CDC42BPG: variants seen among roughly 807,000 people sequenced by gnomAD.
CDC42BPG encodes the protein serine/threonine-protein kinase MRCK gamma.
CDC42BPG carries 157 observed loss-of-function variants against 192.2 expected under a neutral mutation model. That is an observed-to-expected ratio of 0.82 (90% CI 0.72 to 0.93). The LOEUF is 0.93. Among genes scored for constraint, CDC42BPG ranks in the 40% least tolerant of loss-of-function variants. The probability of loss-of-function intolerance (pLI) is 0.00; values close to 1 mark genes in which losing one functional copy is unlikely to be tolerated. For missense variants in CDC42BPG, 1,992 were observed against 2,122.1 expected (o/e 0.94, Z 1.20); for synonymous variants, 981 against 918.5 (o/e 1.07, Z -1.23).
chr11:64,823,120 T>C lies in CDC42BPG; in HGVS notation c.*1353A>G, dbSNP rs1344770210. Among the ~76,000 whole-genome samples, 1 of 146,694 alleles carries C rather than the reference T, an allele frequency of 6.8e-6. No individual in the cohort carries two copies. The highest frequency in any genetic ancestry group is 1.5e-5 in the Non-Finnish European group (1 of 66,820). Reference sequence around the variant, plus strand: ...TTTTTTTTTTGAGACGGAGTCTCACTCTGTCACCCAGGCTGGAGTGCAGTG... The same window carrying C: ...TTTTTTTTTTGAGACGGAGTCTCACCCTGTCACCCAGGCTGGAGTGCAGTG... On this transcript the variant is annotated 3_prime_UTR_variant, in exon 37 of 37. Coordinates refer to ENST00000342711, the MANE Select transcript of CDC42BPG (RefSeq NM_017525.3).
At position 64,836,099 on chromosome 11, in the gene CDC42BPG, C is replaced by T. The variant is rs753523931; in HGVS notation, c.1668+18G>A. 1 of 1,587,574 alleles carries T rather than the reference C, an allele frequency of 6.3e-7. No individual in the cohort carries two copies. The highest frequency in any genetic ancestry group is 8.6e-7 in the Non-Finnish European group (1 of 1,169,112). On this transcript the variant is annotated intron_variant, in intron 13 of 36. Coordinates refer to ENST00000342711, the MANE Select transcript of CDC42BPG (RefSeq NM_017525.3). ...GGGCAGGGCCCAGGTGCTGTCCCTA[C>T]CCACCCTGGTCACTCACCTCCCTCT... is the stretch of plus-strand genomic sequence containing the variant.
chr11:64,831,907 G>T (rs977300246), intron 27 of CDC42BPG, among the ~76,000 whole-genome samples, 186 bp from the exon 28 acceptor site: 1 of 152,262 alleles, frequency 6.6e-6, no homozygotes, highest in Admixed American at 6.5e-5. Context: ...GCAAGGACGG[G>T]CCTAGTGGGA....
At chr11:64,828,636 C>CG (rs1942543474) in intron 30 of CDC42BPG, among the ~76,000 whole-genome samples, 2 of 152,316 alleles carry the variant, frequency 1.3e-5, no homozygotes, top group South Asian at 4.1e-4. Context: ...AGGTACAGGC[C>CG]GGGGCCGGTG....
chr11:64,839,976 T>C, intron 5 of CDC42BPG, 144 bp downstream of exon 5: 2 of 833,424 alleles, frequency 2.4e-6, no homozygotes, highest in Non-Finnish European at 3.7e-6. Flanking sequence ...TTTGGTATGA[T>C]TCCAAGGAAG....
chr11:64,838,698 C>T lies in CDC42BPG; in HGVS notation c.1081G>A (p.Asp361Asn). ...PYIPELRGPM[D>N]TSNFDVDDDT... ...TCATCCACATCAAAGTTGGAGGTGTCCATGGGCCCCCGCAGCTCAGGAATA... is the reference window on the plus strand; with the variant it reads ...TCATCCACATCAAAGTTGGAGGTGTTCATGGGCCCCCGCAGCTCAGGAATA... Residue 361 changes from aspartate (D) to asparagine (N), a missense_variant, in exon 8 of 37, where the codon GAC becomes AAC. Coordinates refer to ENST00000342711, the MANE Select transcript of CDC42BPG (RefSeq NM_017525.3). 1 of 1,613,224 alleles carries T rather than the reference C, an allele frequency of 6.2e-7. No individual in the cohort carries two copies. The highest frequency in any genetic ancestry group is 1.3e-5 in the African/African-American group (1 of 75,062).
intron 1 of CDC42BPG, among the ~76,000 whole-genome samples, chr11:64,842,456 G>A (rs1943322375): frequency 6.6e-6 from 1 of 152,164 alleles, no homozygotes; most frequent in East Asian, 1.9e-4. Context: ...GGGCAGGGAG[G>A]ACAGGCTCTA....
Position 64,834,421 on chromosome 11 carries a change from A to G in CDC42BPG, c.2324+8T>C, listed in dbSNP as rs1015675520. The stretch of plus-strand genomic sequence containing the variant: ...GCCCTGGCCCCCAGTGCCTGCCCCT[A>G]GCCTCACCGCTCAGCCTGCAGCTGG... On this transcript the variant is annotated splice_region_variant and intron_variant, in intron 19 of 36. Coordinates refer to ENST00000342711, the MANE Select transcript of CDC42BPG (RefSeq NM_017525.3). The G allele has an allele frequency of 1.0e-5, 16 of 1,563,946 alleles. No individual in the cohort carries two copies. Among genetic ancestry groups the G allele is most frequent in the African/African-American group, 2.7e-5 (2 of 73,854 alleles).
At position 64,832,721 on chromosome 11, in the gene CDC42BPG, C is replaced by T. The variant is rs984135135; in HGVS notation, c.2888G>A (p.Arg963Gln). The stretch of plus-strand genomic sequence containing the variant: ...AGCAAACACGCGCTGCCAGCCCCGC[C>T]GGACACCTGAGGGCCGCGGCACCTG... Reference protein sequence around the residue: ...FLSVPRPSGVRRGWQRVFAAL... With the variant: ...FLSVPRPSGVQRGWQRVFAAL... Residue 963 changes from arginine to glutamine, a missense_variant, in exon 26 of 37, where the codon CGG becomes CAG. Coordinates refer to ENST00000342711, the MANE Select transcript of CDC42BPG (RefSeq NM_017525.3). 12 of 1,610,166 alleles carry T rather than the reference C, an allele frequency of 7.5e-6. No individual in the cohort carries two copies. The highest frequency in any genetic ancestry group is 1.7e-5 in the Admixed American group (1 of 59,694).
In CDC42BPG at chr11:64,831,578, G is replaced by T. The variant is rs201371771; in HGVS notation, c.3231C>A (p.Pro1077=). ...CGTAAGCCTCCTTGAGTGTGTACACGGGCCGGGGTCTTGGCCGCGCGTCCA... is the reference window on the plus strand; with the variant it reads ...CGTAAGCCTCCTTGAGTGTGTACACTGGCCGGGGTCTTGGCCGCGCGTCCA... ...LLLDARPRPR[P]VYTLKEAYDN... Residue 1077 remains proline, a synonymous_variant, in exon 28 of 37, where the codon CCC becomes CCA. Coordinates refer to ENST00000342711, the MANE Select transcript of CDC42BPG (RefSeq NM_017525.3). The T allele has an allele frequency of 8.7e-6, 14 of 1,612,440 alleles. No homozygotes were observed. The highest frequency in any genetic ancestry group is 1.3e-5 in the African/African-American group (1 of 74,934).
chr11:64,839,493 G>C lies in CDC42BPG; in HGVS notation c.660C>G (p.Leu220=). The C allele has an allele frequency of 6.2e-7, 1 of 1,613,258 alleles. No homozygotes were observed. Among genetic ancestry groups the C allele is most frequent in the Non-Finnish European group, 8.5e-7 (1 of 1,179,986 alleles). ...RLADFGSCLR[L]NTNGMVDSSV... ...GGGTCCTTACCATGCCGTTGGTGTT[G>C]AGACGCAGGCAGGAGCCGAAGTCAG... The change falls in exon 6 of 37, where the codon CTC becomes CTG. Residue 220 remains leucine (L), a synonymous_variant. Transcript: ENST00000342711.
chr11:64,833,221 G>GGACTCTCA lies in CDC42BPG; in HGVS notation c.2731+2_2731+9dup. On this transcript the variant is annotated intron_variant, in intron 24 of 36. Transcript: ENST00000342711. Reference sequence around the variant, plus strand: ...ACCGTGGCTGGAGCATAGTGGGTGGGGACTCTCACCATCACAACCCAGGCC... The same window carrying GGACTCTCA: ...ACCGTGGCTGGAGCATAGTGGGTGGGGACTCTCAGACTCTCACCATCACAACCCAGGCC... 3.3e-6 allele frequency: 5 copies of GGACTCTCA among 1,536,422 alleles called. No homozygotes were observed. The highest frequency in any genetic ancestry group is 4.4e-6 in the Non-Finnish European group (5 of 1,134,830).
In CDC42BPG at chr11:64,833,944, A is replaced by G. The variant is rs755531028; in HGVS notation, c.2447T>C (p.Leu816Pro). Residue 816 changes from leucine (L) to proline (P), a missense_variant, in exon 21 of 37, where the codon CTG becomes CCG. Physicochemically the swap from Leu to Pro is moderately conservative, Grantham distance 98. Transcript: ENST00000342711. ...TKPSNSLIPF[L>P]SFRSSEKDSA... is the part of the protein sequence containing the mutation. ...CCTTACCTCTGAGCTCCGGAAGGAC[A>G]GGAAGGGAATCAGGGAGTTTGAGGG... The G allele has an allele frequency of 3.7e-6, 6 of 1,614,240 alleles. No homozygotes were observed. In the East Asian group the frequency reaches 8.9e-5, roughly 24 times the overall value.
chr11:64,833,740 C>T lies in CDC42BPG; in HGVS notation c.2563G>A (p.Gly855Arg). The change falls in exon 22 of 37, where the codon GGG becomes AGG. Residue 855 changes from glycine to arginine, a missense_variant and splice_region_variant. Coordinates refer to ENST00000342711, the MANE Select transcript of CDC42BPG (RefSeq NM_017525.3). The stretch of plus-strand genomic sequence containing the variant: ...ACGATGGACCCACCTGTCCTCACCC[C>T]CATGCGCAGGCTGCGTCGGCCCTCC... The part of the protein sequence containing the change: ...RPEGRRSLRM[G>R]AVFPRAPTAN... 1.2e-6 allele frequency: 2 copies of T among 1,614,054 alleles called. No individual in the cohort carries two copies. The highest frequency in any genetic ancestry group is 1.1e-5 in the South Asian group (1 of 91,092).
Position 64,844,540 on chromosome 11 carries a change from C to T in CDC42BPG, c.30G>A (p.Gln10=). 7.7e-7 allele frequency: 1 copy of T among 1,299,332 alleles called. No individual in the cohort carries two copies. The highest frequency in any genetic ancestry group is 9.8e-7 in the Non-Finnish European group (1 of 1,024,930). 80.5% of individuals were successfully genotyped at this position (1,299,332 alleles called of 1,614,324 possible). MERRLRALE[Q]LARGEAGGCP... Reference sequence around the variant, plus strand: ...AGCCGCCGGCCTCGCCCCGCGCCAGCTGCTCCAGCGCGCGCAGCCGCCGCT... The same window carrying T: ...AGCCGCCGGCCTCGCCCCGCGCCAGTTGCTCCAGCGCGCGCAGCCGCCGCT... The change falls in exon 1 of 37, where the codon CAG becomes CAA. Residue 10 remains glutamine (Q), a synonymous_variant. Coordinates refer to ENST00000342711, the MANE Select transcript of CDC42BPG (RefSeq NM_017525.3).
chr11:64,833,314 G>C lies in CDC42BPG; in HGVS notation c.2648C>G (p.Pro883Arg), dbSNP rs1171286789. The change falls in exon 24 of 37, where the codon CCC becomes CGC. Residue 883 changes from proline (P) to arginine (R), a missense_variant. Pro to Arg is a moderately radical substitution (Grantham distance 103). This residue lies in a region of CDC42BPG where 1,656 missense variants were observed against 1,844.3 expected (regional missense o/e 0.90). Transcript: ENST00000342711. ...CTTGGTCGGGGATGGGAAGCTCCGGGGGCGCAGCGTGTGTGAGCCGGGCTG... is the reference window on the plus strand; with the variant it reads ...CTTGGTCGGGGATGGGAAGCTCCGGCGGCGCAGCGTGTGTGAGCCGGGCTG... ...PAKPGSHTLR[P>R]RSFPSPTKCL... 2.4e-5 allele frequency: 37 copies of C among 1,536,618 alleles called. No individual in the cohort carries two copies. Among genetic ancestry groups the C allele is most frequent in the Non-Finnish European group, 3.0e-5 (34 of 1,140,650 alleles).
Position 64,827,567 on chromosome 11 carries a change from G to A in CDC42BPG, c.4110C>T (p.Thr1370=), listed in dbSNP as rs71539697. 3.7e-6 allele frequency: 6 copies of A among 1,612,604 alleles called. No individual in the cohort carries two copies. The highest frequency in any genetic ancestry group is 4.5e-5 in the East Asian group (2 of 44,834). ...TGAGGTAGGTCAGGCGGACCTTCTC[G>A]GTGCCGTAGAGGAACAGGGAGCCCT... ...NPEGSLFLYG[T]EKVRLTYLRN... The change falls in exon 32 of 37, where the codon ACC becomes ACT. Residue 1370 remains threonine, a synonymous_variant. Transcript: ENST00000342711.
rs754402866 is a variant in CDC42BPG at position 64,827,180 on chromosome 11, G to A, written c.4272-13C>T. The A allele has an allele frequency of 2.4e-5, 38 of 1,613,426 alleles. No individual in the cohort carries two copies. The highest frequency in any genetic ancestry group is 2.9e-5 in the Non-Finnish European group (34 of 1,179,492). On this transcript the variant is annotated splice_polypyrimidine_tract_variant and intron_variant, in intron 33 of 36. Transcript: ENST00000342711. ...CTTCAGCATCTCCCTGTGGGCGGAG[G>A]TGTAAGTAGTGGGTGGCGAAGCTCC...
chr11:64,827,506 C>T, intron 32 of CDC42BPG, 21 bp downstream of exon 32: 1 of 1,611,090 alleles, frequency 6.2e-7, no homozygotes. Flanking sequence ...CGCACACACC[C>T]GTACACACGC....
At chr11:64,825,101 G>GT (rs1285471750) in intron 36 of CDC42BPG, among the ~76,000 whole-genome samples, 9 of 152,082 alleles carry the variant, frequency 5.9e-5, no homozygotes, top group African/African-American at 2.2e-4. Flanking sequence ...ATTTTTAGTA[G>GT]AGACAGGGTT....
Sources: gnomAD v4.1 joint callset for allele counts (sites outside exome capture counted in the v4.1 genomes callset) on GRCh38, gnomAD v4.1.1 for gene constraint, gnomAD v4.1.1 regional missense constraint, MANE v1.5 for transcripts, NCBI Gene and HGNC (gene_info 2026-07-23, HGNC 2026-07-21) for gene names.